Variants in CADPS2 observed in about 807,000 individuals in gnomAD.
The protein encoded by CADPS2 is calcium dependent secretion activator 2.
A neutral mutation model predicts 172.5 loss-of-function variants in CADPS2; 93 were observed. The observed-to-expected ratio is 0.54, with a 90% CI of 0.46 to 0.64. The LOEUF (loss-of-function observed/expected upper bound fraction) is 0.64. CADPS2 is among the 30% of genes least tolerant of loss of function. The pLI is 0.00. For missense variants in CADPS2, 1,420 were observed against 1,565.9 expected (o/e 0.91, Z 1.57); for synonymous variants, 546 against 555.2 (o/e 0.98, Z 0.23).
chr7:122,331,572 G>C (rs959335752), intron 28 of CADPS2, among the ~76,000 whole-genome samples: 1 of 152,198 alleles, frequency 6.6e-6, no homozygotes, highest in African/African-American at 2.4e-5. Flanking sequence ...CTGGGAGGTG[G>C]AGGTTGCAGT....
chr7:122,760,276 C>T (rs1233390627), intron 1 of CADPS2, among the ~76,000 whole-genome samples: 1 of 151,784 alleles, frequency 6.6e-6, no homozygotes, highest in Non-Finnish European at 1.5e-5. Flanking sequence ...TACAGCAATC[C>T]CCAATTATAA....
At chr7:122,570,766 A>T (rs1254375388) in intron 7 of CADPS2, among the ~76,000 whole-genome samples, 1 of 152,108 alleles carries the variant, frequency 6.6e-6, no homozygotes, top group Non-Finnish European at 1.5e-5. Flanking sequence ...CATCATTCTC[A>T]GTAAACTATC....
intron 6 of CADPS2, among the ~76,000 whole-genome samples, chr7:122,586,226 G>C (rs894013955): frequency 1.6e-4 from 25 of 151,928 alleles, no homozygotes; most frequent in African/African-American, 5.8e-4. Flanking sequence ...TGACATTCTA[G>C]TGTGAGCAAC....
chr7:122,705,769 ATATAT>A (rs1486381172), intron 2 of CADPS2, among the ~76,000 whole-genome samples: 2,661 of 15,736 alleles, frequency 0.17, 891 homozygotes, highest in African/African-American at 0.39. Flanking sequence ...ATAATATATG[ATATAT>A]TATATAATAT....
At chr7:122,763,843 G>A (rs895518113) in intron 1 of CADPS2, among the ~76,000 whole-genome samples, 9 of 152,050 alleles carry the variant, frequency 5.9e-5, no homozygotes, top group Non-Finnish European at 1.2e-4. Context: ...GAGATCGGGC[G>A]CATTCAGGGT....
chr7:122,799,338 G>A (rs1379246838), intron 1 of CADPS2, among the ~76,000 whole-genome samples: 2 of 152,174 alleles, frequency 1.3e-5, no homozygotes, highest in Admixed American at 6.5e-5. Context: ...GGTGGCTCAC[G>A]CCTGTAGTCC....
At chr7:122,663,179 A>G in intron 3 of CADPS2, 58 bp downstream of exon 3, 1 of 1,244,124 alleles carries the variant, frequency 8.0e-7, no homozygotes, top group Non-Finnish European at 1.1e-6. Context: ...GCTTGTAAAT[A>G]CTTCATGTTC....
chr7:122,607,461 A>C (rs960493248), intron 6 of CADPS2, among the ~76,000 whole-genome samples: 1 of 152,186 alleles, frequency 6.6e-6, no homozygotes, highest in Non-Finnish European at 1.5e-5. Context: ...GTAATAACGA[A>C]AACTATAAAA....
chr7:122,583,016 G>C (rs2132926160), intron 6 of CADPS2, among the ~76,000 whole-genome samples: 1 of 151,320 alleles, frequency 6.6e-6, no homozygotes, highest in Non-Finnish European at 1.5e-5. Context: ...TTTGAACCTG[G>C]TCCTTCTGAA....
intron 17 of CADPS2, among the ~76,000 whole-genome samples, chr7:122,428,517 G>C (rs939041281): frequency 6.7e-6 from 1 of 149,776 alleles, no homozygotes; most frequent in Non-Finnish European, 1.5e-5. Flanking sequence ...GCCCAGGCTG[G>C]AGTACAGTGG....
intron 28 of CADPS2, among the ~76,000 whole-genome samples, chr7:122,337,282 G>A (rs1037585205): frequency 3.3e-5 from 5 of 152,314 alleles, no homozygotes; most frequent in Admixed American, 3.3e-4. Context: ...AGCCTCTGTT[G>A]TTAATTAGCT....
intron 14 of CADPS2, among the ~76,000 whole-genome samples, chr7:122,465,005 T>C (rs1309896681): frequency 6.6e-6 from 1 of 152,076 alleles, no homozygotes; most frequent in Admixed American, 6.5e-5. Context: ...TTTTCTGTAA[T>C]CTAAAATTAT....
At chr7:122,599,358 GGCA>G (rs1187211129) in intron 6 of CADPS2, among the ~76,000 whole-genome samples, 1 of 151,958 alleles carries the variant, frequency 6.6e-6, no homozygotes, top group East Asian at 1.9e-4. Context: ...CAAACCAAGG[GGCA>G]GGCAAGGATG....
At chr7:122,681,861 C>G in intron 2 of CADPS2, among the ~76,000 whole-genome samples, 1 of 151,562 alleles carries the variant, frequency 6.6e-6, no homozygotes, top group Non-Finnish European at 1.5e-5. Flanking sequence ...GTTTTAAGAA[C>G]TGAGATGAGT....
At chr7:122,411,466 C>T (rs1050598314) in intron 19 of CADPS2, among the ~76,000 whole-genome samples, 1 of 151,882 alleles carries the variant, frequency 6.6e-6, no homozygotes, top group Non-Finnish European at 1.5e-5. Flanking sequence ...GTAATCCACC[C>T]GCCTCAGCCT....
At chr7:122,770,733 A>G (rs938375581) in intron 1 of CADPS2, among the ~76,000 whole-genome samples, 2 of 152,222 alleles carry the variant, frequency 1.3e-5, no homozygotes, top group African/African-American at 4.8e-5. Flanking sequence ...AGGTGCCTGC[A>G]TTATAGATGG....
intron 11 of CADPS2, among the ~76,000 whole-genome samples, chr7:122,487,376 T>C (rs1440787482): frequency 1.3e-5 from 2 of 152,148 alleles, no homozygotes; most frequent in South Asian, 4.1e-4. Flanking sequence ...GAGATATTCA[T>C]CTTATTGCAG....
intron 6 of CADPS2, among the ~76,000 whole-genome samples, chr7:122,604,536 G>A (rs968547559): frequency 2.6e-5 from 4 of 152,170 alleles, no homozygotes; most frequent in Middle Eastern, 6.8e-3. Flanking sequence ...TCTTCTGACT[G>A]TATGGGTTCA....
chr7:122,486,310 C>T (rs571786817), intron 11 of CADPS2, among the ~76,000 whole-genome samples: 5 of 152,228 alleles, frequency 3.3e-5, no homozygotes, highest in African/African-American at 9.6e-5. Context: ...CCATTAAGAA[C>T]ATTTGTGATT....
Sources: allele counts gnomAD v4.1 joint callset (sites outside exome capture counted in the v4.1 genomes callset), GRCh38; gene constraint gnomAD v4.1.1; transcripts MANE v1.5; gene names NCBI Gene and HGNC (gene_info 2026-07-23, HGNC 2026-07-21).